The following CFAP74 variants were observed in gnomAD, a reference collection of about 807,000 sequenced individuals.
The protein encoded by CFAP74 is cilia and flagella associated protein 74.
Under a neutral mutation model 188.9 loss-of-function variants are expected in CFAP74, and 124 were observed. That is an observed-to-expected ratio of 0.66 (90% confidence interval 0.57 to 0.76). The LOEUF is 0.76. Among genes scored for constraint, CFAP74 ranks in the 30% least tolerant of loss-of-function variants. CFAP74 has a pLI of 0.00. For missense variants in CFAP74, 2,198 were observed against 2,165.2 expected, an observed-to-expected ratio of 1.02 and a Z score of -0.30; for synonymous variants, 956 against 916.7, an observed-to-expected ratio of 1.04 and a Z score of -0.77.
intron 19 of CFAP74, among the ~76,000 whole-genome samples, 170 bp downstream of exon 19, chr1:1,946,820 A>G (rs1402508424): frequency 6.6e-6 from 1 of 152,208 alleles, no homozygotes; most frequent in Non-Finnish European, 1.5e-5. Context: ...CTGAGATTAC[A>G]AGAGGCCTGG....
At chr1:1,989,544 T>A (rs1195359369) in intron 2 of CFAP74, among the ~76,000 whole-genome samples, 1 of 152,212 alleles carries the variant, frequency 6.6e-6, no homozygotes, top group African/African-American at 2.4e-5. Flanking sequence ...CTCTGCCACC[T>A]TCGCCTCCCA....
At chr1:1,971,305 ATGCACACCTGCAGACACT>A (rs1222047146) in intron 9 of CFAP74, among the ~76,000 whole-genome samples, 20 of 145,776 alleles carry the variant, frequency 1.4e-4, no homozygotes, top group Admixed American at 9.6e-4. Context: ...ACGCTCACAC[ATGCACACCTGCAGACACT>A]TGCACACCTG....
At position 1,955,833 on chromosome 1, in the gene CFAP74, G is replaced by A. The variant is rs776247816; in HGVS notation, c.2034C>T (p.Tyr678=). ...SALKLSSLLT[Y]EDKSLYDKAA... is the part of the protein sequence containing the mutation. ...CTTTGTCATACAAGCTTTTATCTTC[G>A]TAGGTCAGGAGACTGCTCTAGAGAG... The change falls in exon 18 of 39, where the codon TAC becomes TAT. Residue 678 remains tyrosine (Y), a synonymous_variant. Coordinates refer to ENST00000682832, the MANE Select transcript of CFAP74 (RefSeq NM_001304360.2). 61 of 1,613,282 alleles carry A rather than the reference G, an allele frequency of 3.8e-5. No homozygotes were observed. Among genetic ancestry groups the A allele is most frequent in the South Asian group, 6.6e-5 (6 of 91,088 alleles).
intron 18 of CFAP74, among the ~76,000 whole-genome samples, chr1:1,949,840 C>CGTGT (rs1297855662): frequency 6.6e-6 from 1 of 152,202 alleles, no homozygotes; most frequent in African/African-American, 2.4e-5. Flanking sequence ...ACGGCACTGC[C>CGTGT]TCTATCAAAG....
chr1:1,993,969 A>C lies in CFAP74; in HGVS notation c.-19-2994T>G, dbSNP rs28407647. ...TGCACTCCAGCCTGGGCGACAGAGC[A>C]AGACTCCGTCTCAAAAAAAATAAAA... On this transcript the variant is annotated intron_variant, in intron 1 of 38. Coordinates refer to ENST00000682832, the MANE Select transcript of CFAP74 (RefSeq NM_001304360.2). Among the ~76,000 whole-genome samples, 592 of 150,716 alleles carry C rather than the reference A, an allele frequency of 3.9e-3. 4 individuals carry two copies. Among genetic ancestry groups the C allele is most frequent in the African/African-American group, 0.013 (552 of 40,986 alleles).
chr1:1,993,899 G>GGCA (rs1558068586), intron 1 of CFAP74, among the ~76,000 whole-genome samples: 1 of 150,630 alleles, frequency 6.6e-6, no homozygotes, highest in Non-Finnish European at 1.5e-5. Context: ...GGAGAATGGC[G>GGCA]TGAACCCGGG....
chr1:1,945,937 G>T (rs536623373), intron 20 of CFAP74, among the ~76,000 whole-genome samples: 1 of 142,648 alleles, frequency 7.0e-6, no homozygotes, highest in Non-Finnish European at 1.5e-5. Context: ...ATGTGTGCAC[G>T]TGTGTGTGGG....
intron 18 of CFAP74, chr1:1,954,915 C>T: frequency 8.5e-7 from 1 of 1,178,668 alleles, no homozygotes; most frequent in Non-Finnish European, 1.1e-6. Flanking sequence ...ACGGCCTTCG[C>T]AACAGTGTGT....
intron 6 of CFAP74, among the ~76,000 whole-genome samples, chr1:1,977,444 C>G (rs954670947): frequency 3.9e-5 from 6 of 152,206 alleles, no homozygotes; most frequent in African/African-American, 1.4e-4. Flanking sequence ...CCCGTAACAC[C>G]TCCCTGAGGG....
At chr1:1,961,322 C>T (rs1052292177) in intron 14 of CFAP74, among the ~76,000 whole-genome samples, 3 of 152,236 alleles carry the variant, frequency 2.0e-5, no homozygotes, top group Admixed American at 6.5e-5. Context: ...TAAGAAAAAT[C>T]AGCCCACACC....
At chr1:1,946,540 C>T in intron 19 of CFAP74, 101 bp from the exon 20 acceptor site, 2 of 1,404,114 alleles carry the variant, frequency 1.4e-6, no homozygotes, top group Admixed American at 2.7e-5. Flanking sequence ...TGGAAGGTGG[C>T]AGGACCCGTG....
rs1305445835 is a variant in CFAP74 at position 1,964,948 on chromosome 1, C to T, written c.1515G>A (p.Val505=). ...GGCGTCCTTGGAACTCACGCCCCCA[C>T]ACCACCTGCTTGTGGACCACCCTGC... ...LRSRVVHKQV[V]WGREFQGRPF... is the part of the protein sequence containing the mutation. Residue 505 remains valine (V), a synonymous_variant, in exon 13 of 39, where the codon GTG becomes GTA. Transcript: ENST00000682832. 5.0e-6 allele frequency: 8 copies of T among 1,614,032 alleles called. No homozygotes were observed. The highest frequency in any genetic ancestry group is 6.8e-6 in the Non-Finnish European group (8 of 1,179,992).
intron 25 of CFAP74, among the ~76,000 whole-genome samples, chr1:1,935,867 TACAC>T (rs35582265): frequency 6.8e-6 from 1 of 147,790 alleles, no homozygotes; most frequent in Non-Finnish European, 1.5e-5. Context: ...TTTTCAGCAC[TACAC>T]ACACACACAC....
intron 25 of CFAP74, among the ~76,000 whole-genome samples, chr1:1,938,506 C>T (rs1653107615): frequency 6.6e-6 from 1 of 151,440 alleles, no homozygotes; most frequent in Non-Finnish European, 1.5e-5. Context: ...ACTCACACAC[C>T]CCCATATGCA....
chr1:1,970,627 C>A (rs1331347919), intron 10 of CFAP74, 32 bp downstream of exon 10: 2 of 1,578,680 alleles, frequency 1.3e-6, no homozygotes, highest in East Asian at 4.6e-5. Flanking sequence ...TGGGCGGGTG[C>A]CTCCCGGTGG....
chr1:1,963,701 C>T, intron 14 of CFAP74, 48 bp downstream of exon 14: 1 of 1,228,244 alleles, frequency 8.1e-7, no homozygotes, highest in Non-Finnish European at 1.2e-6. Context: ...CTATGAACCT[C>T]CTGCTGTCCC....
At chr1:1,971,179 A>G (rs1317894158) in intron 9 of CFAP74, among the ~76,000 whole-genome samples, 3 of 151,472 alleles carry the variant, frequency 2.0e-5, no homozygotes, top group East Asian at 2.0e-4. Flanking sequence ...ACACCTGCAC[A>G]CACGTGCACA....
intron 1 of CFAP74, among the ~76,000 whole-genome samples, chr1:1,992,206 C>G (rs1464282779): frequency 6.6e-6 from 1 of 152,084 alleles, no homozygotes; most frequent in African/African-American, 2.4e-5. Flanking sequence ...ACTCTGTTGC[C>G]CAGGCTGGAG....
chr1:1,982,393 C>T lies in CFAP74; in HGVS notation c.500+2993G>A, dbSNP rs977990831. ...TGCAGGAGTCCCAGCTGTGGTCACACGCAGGGACATGCAGGACACCCCGCC... is the reference window on the plus strand; with the variant it reads ...TGCAGGAGTCCCAGCTGTGGTCACATGCAGGGACATGCAGGACACCCCGCC... On this transcript the variant is annotated intron_variant, in intron 6 of 38. Coordinates refer to ENST00000682832, the MANE Select transcript of CFAP74 (RefSeq NM_001304360.2). 5.3e-5 allele frequency among the ~76,000 whole-genome samples: 8 copies of T among 151,936 alleles called. No homozygotes were observed. In the East Asian group the frequency reaches 5.9e-4, roughly 11 times the overall value.
Sources: allele counts gnomAD v4.1 joint callset (sites outside exome capture counted in the v4.1 genomes callset), GRCh38; gene constraint gnomAD v4.1.1; transcripts MANE v1.5; gene names NCBI Gene and HGNC (gene_info 2026-07-23, HGNC 2026-07-21).